The following NRCAM variants were observed in gnomAD, a reference collection of about 807,000 sequenced individuals.
NRCAM encodes NgCAM-related cell adhesion molecule.
A neutral mutation model predicts 156.5 loss-of-function variants in NRCAM; 83 were observed. The ratio of observed to expected loss-of-function variants is 0.53; its 90% CI spans 0.44 to 0.64. The LOEUF (loss-of-function observed/expected upper bound fraction) is 0.64, where lower values mean the gene tolerates loss of function less well. Among genes scored for constraint, NRCAM ranks in the 30% least tolerant of loss-of-function variants. The pLI, the probability that NRCAM is intolerant of heterozygous loss-of-function variation, is 0.00. For synonymous variants in NRCAM, 538 were observed against 563.9 expected, an observed-to-expected ratio of 0.95 and a Z score of 0.65; for missense variants, 1,417 against 1,597.3, an observed-to-expected ratio of 0.89 and a Z score of 1.92.
chr7:108,388,992 T>A (rs140216332), intron 2 of NRCAM, among the ~76,000 whole-genome samples: 1,901 of 152,324 alleles, frequency 0.012, 40 homozygotes, highest in African/African-American at 0.041. Context: ...TCAGGTAGCA[T>A]GATGCCTCCA....
At chr7:108,221,990 G>A (rs2153679895) in intron 11 of NRCAM, among the ~76,000 whole-genome samples, 1 of 151,782 alleles carries the variant, frequency 6.6e-6, no homozygotes, top group Non-Finnish European at 1.5e-5. Flanking sequence ...TATAATATTG[G>A]TTTGGCTTGT....
intron 22 of NRCAM, among the ~76,000 whole-genome samples, chr7:108,183,294 T>TAC (rs5886444): frequency 0.68 from 103,073 of 151,862 alleles, 37,054 homozygotes; most frequent in East Asian, 0.96. Context: ...GATGGAAACT[T>TAC]AGACTGTTTT....
chr7:108,400,885 A>T (rs1563639041), intron 1 of NRCAM, among the ~76,000 whole-genome samples: 1 of 152,088 alleles, frequency 6.6e-6, no homozygotes, highest in African/African-American at 2.4e-5. Context: ...ATCCAAAGAC[A>T]TGAGCCACAC....
chr7:108,241,666 T>A (rs1428078948), intron 3 of NRCAM, among the ~76,000 whole-genome samples: 1 of 150,894 alleles, frequency 6.6e-6, no homozygotes, highest in African/African-American at 2.4e-5. Flanking sequence ...AGGTAGTAAA[T>A]AAATATTTGG....
At position 108,150,452 on chromosome 7, in the gene NRCAM, G is replaced by T. The variant is rs62469163; in HGVS notation, c.3678-305C>A. On this transcript the variant is annotated intron_variant, in intron 32 of 32. Coordinates refer to ENST00000379028, the MANE Select transcript of NRCAM (RefSeq NM_001037132.4). ...ATAATCACAAGCATTAAATAAGAAAGAATTCAGAAAAGTAGAAAAATCATC... is the reference window on the plus strand; with the variant it reads ...ATAATCACAAGCATTAAATAAGAAATAATTCAGAAAAGTAGAAAAATCATC... Among the ~76,000 whole-genome samples the T allele has an allele frequency of 4.1e-3, 629 of 152,230 alleles. 5 individuals are homozygous for T. Among genetic ancestry groups the T allele is most frequent in the Middle Eastern group, 0.01 (3 of 294 alleles).
intron 20 of NRCAM, among the ~76,000 whole-genome samples, chr7:108,187,418 C>A (rs566055261): frequency 1.3e-5 from 2 of 152,294 alleles, no homozygotes; most frequent in Admixed American, 1.3e-4. Flanking sequence ...AAGTTCTTCC[C>A]CTAGACAACT....
At chr7:108,294,019 T>G (rs1332762057) in intron 3 of NRCAM, among the ~76,000 whole-genome samples, 2 of 152,084 alleles carry the variant, frequency 1.3e-5, no homozygotes, top group African/African-American at 4.8e-5. Flanking sequence ...TGTCTTTCCC[T>G]TGGGTTCTGC....
At position 108,147,724 on chromosome 7, in the gene NRCAM, ATTAC is replaced by A. The variant is rs1394636072; in HGVS notation, c.*2182_*2185del. On this transcript the variant is annotated 3_prime_UTR_variant, in exon 33 of 33. Transcript: ENST00000379028. ...ATTTGCCTGTACCATTACATACACC[ATTAC>A]TTGGACATTCACACTCAATTGGGAA... is the stretch of plus-strand genomic sequence containing the variant. 1 of 152,440 alleles carries A rather than the reference ATTAC, an allele frequency of 6.6e-6. No individual in the cohort carries two copies. Among genetic ancestry groups the A allele is most frequent in the Non-Finnish European group, 1.5e-5 (1 of 68,038 alleles). The allele number at this position is 152,440 out of a possible 1,614,324, so 9.4% of individuals were successfully genotyped here. A position where few individuals can be genotyped will look rare whatever the true frequency, so the allele number is the denominator to read the frequency against.
chr7:108,149,866 A>G lies in NRCAM; in HGVS notation c.*44T>C, dbSNP rs750718204. 18 of 1,514,466 alleles carry G rather than the reference A, an allele frequency of 1.2e-5. No homozygotes were observed. The South Asian group carries it at 2.1e-4, about 17-fold the overall frequency. 93.8% of individuals were successfully genotyped at this position (1,514,466 alleles called of 1,614,324 possible). A position where few individuals can be genotyped will look rare whatever the true frequency, so the allele number is the denominator to read the frequency against. On this transcript the variant is annotated 3_prime_UTR_variant, in exon 33 of 33. Transcript: ENST00000379028. ...GAGGGCTGACAAACAAGTGCTTAGG[A>G]TAAACATTCTAGAGAAATGGAATAT...
At chr7:108,254,643 G>A (rs962673038) in intron 3 of NRCAM, among the ~76,000 whole-genome samples, 2 of 148,430 alleles carry the variant, frequency 1.3e-5, no homozygotes, top group East Asian at 1.9e-4. Flanking sequence ...TGTCTCCTGG[G>A]CTCAAACCAT....
chr7:108,182,901 G>T lies in NRCAM; in HGVS notation c.2324C>A (p.Ser775Tyr). ...ITWKPLNGFE[S>Y]NGPGLQYKVS... Reference sequence around the variant, plus strand: ...TTTGTACTGAAGGCCTGGCCCATTAGATTCGAAACCATTCAAGGGCTACAA... The same window carrying T: ...TTTGTACTGAAGGCCTGGCCCATTATATTCGAAACCATTCAAGGGCTACAA... The change falls in exon 23 of 33, where the codon TCT becomes TAT. Residue 775 changes from serine (S) to tyrosine (Y), a missense_variant. Coordinates refer to ENST00000379028, the MANE Select transcript of NRCAM (RefSeq NM_001037132.4). The T allele has an allele frequency of 6.2e-7, 1 of 1,614,176 alleles. No individual in the cohort carries two copies. The highest frequency in any genetic ancestry group is 8.5e-7 in the Non-Finnish European group (1 of 1,180,008).
chr7:108,411,568 A>C (rs1488884195), intron 1 of NRCAM, among the ~76,000 whole-genome samples: 1 of 152,126 alleles, frequency 6.6e-6, no homozygotes, highest in East Asian at 1.9e-4. Context: ...TAAATACAAT[A>C]AAAAGTAAGT....
At chr7:108,294,198 T>TC (rs1276391267) in intron 3 of NRCAM, among the ~76,000 whole-genome samples, 1 of 138,420 alleles carries the variant, frequency 7.2e-6, no homozygotes, top group Non-Finnish European at 1.6e-5. Context: ...TACTGGTTTT[T>TC]TTTTTTTTTT....
At chr7:108,358,819 A>G (rs562911262) in intron 2 of NRCAM, among the ~76,000 whole-genome samples, 1 of 152,386 alleles carries the variant, frequency 6.6e-6, no homozygotes, top group African/African-American at 2.4e-5. Flanking sequence ...ATTCTGCCTG[A>G]GGCCAAAGTC....
At chr7:108,298,692 A>G (rs1361118408) in intron 3 of NRCAM, among the ~76,000 whole-genome samples, 2 of 151,398 alleles carry the variant, frequency 1.3e-5, no homozygotes, top group Admixed American at 6.6e-5. Context: ...AAACACACCA[A>G]ACAACAACAA....
intron 2 of NRCAM, among the ~76,000 whole-genome samples, chr7:108,349,558 G>A (rs761423670): frequency 2.0e-5 from 3 of 152,086 alleles, no homozygotes; most frequent in East Asian, 1.9e-4. Context: ...ATGAGCCACC[G>A]TGCCTGGCTT....
chr7:108,261,338 C>G lies in NRCAM; in HGVS notation c.-106-21168G>C, dbSNP rs10255286. On this transcript the variant is annotated intron_variant, in intron 3 of 32. Coordinates refer to ENST00000379028, the MANE Select transcript of NRCAM (RefSeq NM_001037132.4). Reference sequence around the variant, plus strand: ...TGCTCTCTTTGTTTTCAGCATATATCACCACCGCCTAAGTTAGGTCTGTTG... The same window carrying G: ...TGCTCTCTTTGTTTTCAGCATATATGACCACCGCCTAAGTTAGGTCTGTTG... 6.3e-3 allele frequency among the ~76,000 whole-genome samples: 956 copies of G among 152,296 alleles called. 10 individuals carry two copies. The highest frequency in any genetic ancestry group is 0.022 in the African/African-American group (906 of 41,558).
At position 108,207,480 on chromosome 7, in the gene NRCAM, A is replaced by AT. The variant is rs747293225; in HGVS notation, c.1207+47dup. 8.2e-4 allele frequency: 1,302 copies of AT among 1,590,930 alleles called. 2 individuals are homozygous for AT. Among genetic ancestry groups the AT allele is most frequent in the Non-Finnish European group, 9.0e-4 (1,041 of 1,162,986 alleles). On this transcript the variant is annotated intron_variant, in intron 13 of 32. Transcript: ENST00000379028. ...CCATTTATTCACTGTCGGGATGTAT[A>AT]TATGCTCTGAAAATATACTGCAATT... is the stretch of plus-strand genomic sequence containing the variant.
intron 22 of NRCAM, 128 bp from the exon 23 acceptor site, chr7:108,183,048 A>AC: frequency 1.3e-6 from 1 of 750,172 alleles, no homozygotes. Context: ...CAAGCTATTA[A>AC]CCATTTTCTC....
Sources: allele counts gnomAD v4.1 joint callset (sites outside exome capture counted in the v4.1 genomes callset), GRCh38; gene constraint gnomAD v4.1.1; transcripts MANE v1.5; gene names NCBI Gene and HGNC (gene_info 2026-07-23, HGNC 2026-07-21).